The following GSN variants were observed in gnomAD, a reference collection of about 807,000 sequenced individuals.
GSN encodes actin-depolymerizing factor.
Under a neutral mutation model 85.7 loss-of-function variants are expected in GSN, and 56 were observed. That is an observed-to-expected ratio of 0.65 (90% CI 0.53 to 0.82). GSN has a LOEUF of 0.82. Ranked by LOEUF, GSN falls within the 40% of genes least tolerant of loss-of-function variation. The pLI is 0.00. For missense variants in GSN, 857 were observed against 979.8 expected (o/e 0.87, Z 1.67); for synonymous variants, 373 against 399.1 (o/e 0.93, Z 0.78).
chr9:121,220,238 T>C (rs957677567), intron 4 of GSN, among the ~76,000 whole-genome samples: 19 of 152,340 alleles, frequency 1.2e-4, no homozygotes, highest in African/African-American at 4.6e-4. Context: ...CTCCAAACTT[T>C]CACTATTTTC....
At position 121,318,916 on chromosome 9, in the gene GSN, C is replaced by T. The variant is rs368737613; in HGVS notation, c.1191+36C>T. ...GGCGTGGGGTGGGTGTGTCCAGGCC[C>T]CTCCCTCACTTTCCCCATGCACTGC... On this transcript the variant is annotated intron_variant, in intron 10 of 17. Coordinates refer to ENST00000432226, the MANE Select transcript of GSN (RefSeq NM_198252.3). This position sits in a 1 kb window ranked among gnomAD's most constrained non-coding sequence, Gnocchi z 4.3. 1,265 of 1,521,908 alleles carry T rather than the reference C, an allele frequency of 8.3e-4. 23 individuals carry two copies. In the South Asian group the frequency reaches 0.013, roughly 15 times the overall value. 94.3% of individuals were successfully genotyped at this position (1,521,908 alleles called of 1,614,324 possible). A position where few individuals can be genotyped will look rare whatever the true frequency, so the allele number is the denominator to read the frequency against.
intron 6 of GSN, among the ~76,000 whole-genome samples, chr9:121,250,989 T>C (rs1041124775): frequency 1.3e-5 from 2 of 151,500 alleles, no homozygotes; most frequent in African/African-American, 4.9e-5. Flanking sequence ...GCCTGACTAA[T>C]TTTTTGTATT....
chr9:121,229,283 C>T (rs920676829), intron 4 of GSN, among the ~76,000 whole-genome samples: 3 of 152,192 alleles, frequency 2.0e-5, no homozygotes, highest in African/African-American at 7.2e-5. Context: ...TACAGTGGCG[C>T]AGTCTCAGCT....
intron 2 of GSN, among the ~76,000 whole-genome samples, chr9:121,287,708 C>A (rs1460863814): frequency 2.7e-5 from 4 of 149,544 alleles, no homozygotes; most frequent in Non-Finnish European, 4.4e-5. Flanking sequence ...TTTTTAAAAA[C>A]AGCTTTATTG....
intron 6 of GSN, among the ~76,000 whole-genome samples, chr9:121,254,787 G>A (rs1035679081): frequency 6.6e-6 from 1 of 152,026 alleles, no homozygotes; most frequent in Non-Finnish European, 1.5e-5. Context: ...AAATTCAAAA[G>A]CAACAAAAGG....
intron 5 of GSN, among the ~76,000 whole-genome samples, chr9:121,242,990 A>G (rs752693797): frequency 2.6e-5 from 4 of 152,186 alleles, no homozygotes; most frequent in Non-Finnish European, 5.9e-5. Context: ...TATGGAGGGT[A>G]CATTAGTTTC....
At chr9:121,308,354 A>G (rs1589022768) in intron 4 of GSN, 1 of 152,238 alleles carries the variant, frequency 6.6e-6, no homozygotes, top group African/African-American at 2.4e-5. Context: ...CCTGCCTCCC[A>G]TCCTGGATGA....
intron 5 of GSN, among the ~76,000 whole-genome samples, chr9:121,237,454 A>G (rs1178912554): frequency 6.6e-6 from 1 of 152,164 alleles, no homozygotes; most frequent in Non-Finnish European, 1.5e-5. Context: ...AGTCCCAGCT[A>G]CTTGGGAGAC....
At chr9:121,307,837 C>A (rs555762662) in intron 4 of GSN, among the ~76,000 whole-genome samples, 2 of 152,024 alleles carry the variant, frequency 1.3e-5, no homozygotes, top group South Asian at 4.1e-4. Context: ...GTCTCAGAAC[C>A]CTCCTGTCTT....
intron 6 of GSN, among the ~76,000 whole-genome samples, chr9:121,255,408 G>A (rs1486389593): frequency 2.0e-5 from 3 of 152,072 alleles, no homozygotes; most frequent in Non-Finnish European, 1.5e-5. Context: ...GCTAATTTTT[G>A]TATTTTTTAT....
At chr9:121,274,478 C>A (rs2056416745) in intron 1 of GSN, among the ~76,000 whole-genome samples, 1 of 151,932 alleles carries the variant, frequency 6.6e-6, no homozygotes, top group Non-Finnish European at 1.5e-5. Flanking sequence ...GTTCCTGAGT[C>A]AAAATGACAC....
chr9:121,313,816 C>A, intron 6 of GSN, 118 bp from the exon 7 acceptor site: 1 of 820,106 alleles, frequency 1.2e-6, no homozygotes, highest in Non-Finnish European at 2.1e-6. Context: ...GGAGGTCAGA[C>A]TCCATGGGGA....
At chr9:121,222,479 AT>A (rs2054187647) in intron 4 of GSN, among the ~76,000 whole-genome samples, 1 of 152,254 alleles carries the variant, frequency 6.6e-6, no homozygotes, top group Admixed American at 6.5e-5. Flanking sequence ...GCAGAAATAA[AT>A]TTGATAGATG....
intron 12 of GSN, among the ~76,000 whole-genome samples, chr9:121,325,378 T>G (rs1172260001): frequency 1.3e-5 from 2 of 151,962 alleles, no homozygotes; most frequent in East Asian, 3.9e-4. Context: ...GTGGTACACA[T>G]GCAAAGGCCC....
At chr9:121,209,481 C>T (rs553241170) in intron 2 of GSN, 6 of 152,280 alleles carry the variant, frequency 3.9e-5, no homozygotes, top group Admixed American at 1.3e-4. Context: ...ATAATAGTGC[C>T]TACAAATACA....
intron 6 of GSN, among the ~76,000 whole-genome samples, chr9:121,248,529 C>G (rs1004817493): frequency 3.3e-5 from 5 of 151,986 alleles, no homozygotes; most frequent in Admixed American, 6.6e-5. Context: ...GGGTCAAGAC[C>G]TAGGCTTGAA....
At position 121,318,965 on chromosome 9, in the gene GSN, C is replaced by T; in HGVS notation, c.1191+85C>T. On this transcript the variant is annotated intron_variant, in intron 10 of 17. Transcript: ENST00000432226. The surrounding 1 kb of genome is among the most constrained non-coding windows in gnomAD (Gnocchi z 4.3). ...GCCTCTTGCTTCCCCAAGGAGGTTT[C>T]TCTCTGAGGTTTGCACAACTTTGGT... The T allele has an allele frequency of 8.9e-7, 1 of 1,126,926 alleles. No homozygotes were observed. Among genetic ancestry groups the T allele is most frequent in the Non-Finnish European group, 1.3e-6 (1 of 749,354 alleles). 69.8% of individuals were successfully genotyped at this position (1,126,926 alleles called of 1,614,324 possible).
rs1249750610 is a variant in GSN at position 121,321,316 on chromosome 9, T to C, written c.1240T>C (p.Tyr414His). 1 of 1,613,646 alleles carries C rather than the reference T, an allele frequency of 6.2e-7. No individual in the cohort carries two copies. The highest frequency in any genetic ancestry group is 8.5e-7 in the Non-Finnish European group (1 of 1,179,694). ...SNKVPVDPAT[Y>H]GQFYGGDSYI... ...CAAGGTGCCCGTGGACCCTGCCACA[T>C]ATGGACAGTTCTATGGAGGCGACAG... The change falls in exon 11 of 18, where the codon TAT becomes CAT. Residue 414 changes from tyrosine (Y) to histidine (H), a missense_variant. By Grantham distance (83) the Tyr-to-His change is moderately conservative. Coordinates refer to ENST00000432226, the MANE Select transcript of GSN (RefSeq NM_198252.3).
At chr9:121,202,194 T>C in the GSN span, among the ~76,000 whole-genome samples, 1 of 152,244 alleles carries the variant, frequency 6.6e-6, no homozygotes, top group South Asian at 2.1e-4. Context: ...ACTAGGGTTG[T>C]CGCTCGTGGA....
Sources: allele counts gnomAD v4.1 joint callset (sites outside exome capture counted in the v4.1 genomes callset), GRCh38; gene constraint gnomAD v4.1.1; non-coding constraint Gnocchi (gnomAD v3.1); transcripts MANE v1.5; gene names NCBI Gene and HGNC (gene_info 2026-07-23, HGNC 2026-07-21).